Variants in MYO1E observed in about 807,000 individuals in gnomAD.
The protein encoded by MYO1E is unconventional myosin-Ie.
MYO1E carries 68 observed loss-of-function variants against 151.1 expected under a neutral mutation model. The ratio of observed to expected loss-of-function variants is 0.45; its 90% CI spans 0.37 to 0.55. The LOEUF (loss-of-function observed/expected upper bound fraction) is 0.55, where lower values mean the gene tolerates loss of function less well. MYO1E is among the 20% of genes least tolerant of loss of function. The pLI, the probability that MYO1E is intolerant of heterozygous loss-of-function variation, is 0.00. For missense variants in MYO1E, 1,363 were observed against 1,389.3 expected (o/e 0.98, Z 0.30); for synonymous variants, 601 against 501.7 (o/e 1.20, Z -2.64).
At chr15:59,162,988 G>C (rs1394350194) in intron 23 of MYO1E, among the ~76,000 whole-genome samples, 169 bp downstream of exon 23, 1 of 152,220 alleles carries the variant, frequency 6.6e-6, no homozygotes, top group African/African-American at 2.4e-5. Flanking sequence ...TTCAAAGTCT[G>C]TGACTACTAT....
intron 18 of MYO1E, among the ~76,000 whole-genome samples, chr15:59,184,405 G>T (rs1206849075): frequency 6.6e-6 from 1 of 152,030 alleles, no homozygotes. Context: ...TGCCTAGGTT[G>T]TATGTAGTAC....
In MYO1E at chr15:59,187,047, G is replaced by A. The variant is rs534162629; in HGVS notation, c.1904+1071C>T. On this transcript the variant is annotated intron_variant, in intron 18 of 27. Coordinates refer to ENST00000288235, the MANE Select transcript of MYO1E (RefSeq NM_004998.4). ...ATATTTTAAGCTTATTGTCTTAAGT[G>A]GGTTAAACATTTTCCTGAAATTGTC... Among the ~76,000 whole-genome samples, 5 of 152,202 alleles carry A rather than the reference G, an allele frequency of 3.3e-5. No homozygotes were observed. The East Asian group carries it at 5.8e-4, about 18-fold the overall frequency.
chr15:59,326,690 C>T (rs7163858), intron 1 of MYO1E, among the ~76,000 whole-genome samples: 128,588 of 152,196 alleles, frequency 0.84, 54,982 homozygotes, highest in African/African-American at 0.92. Flanking sequence ...TTTACCATTC[C>T]ATTTTTGTCT....
At chr15:59,164,014 T>C (rs1483738339) in intron 22 of MYO1E, among the ~76,000 whole-genome samples, 2 of 152,068 alleles carry the variant, frequency 1.3e-5, no homozygotes, top group African/African-American at 4.8e-5. Flanking sequence ...CAGGGTGGGA[T>C]TGTGGAGAAA....
intron 4 of MYO1E, among the ~76,000 whole-genome samples, chr15:59,255,444 G>C (rs1330727580): frequency 2.0e-5 from 3 of 151,968 alleles, no homozygotes; most frequent in African/African-American, 7.3e-5. Flanking sequence ...ACTCAGGCTG[G>C]AGTACAGTGG....
intron 10 of MYO1E, 51 bp downstream of exon 10, chr15:59,217,840 T>A (rs769088064): frequency 6.3e-6 from 10 of 1,598,428 alleles, no homozygotes; most frequent in Non-Finnish European, 2.6e-6. Context: ...CTAGTTTTAC[T>A]CTTTATAGCT....
chr15:59,269,624 G>C (rs1481698509), intron 2 of MYO1E, among the ~76,000 whole-genome samples: 7 of 152,204 alleles, frequency 4.6e-5, no homozygotes, highest in African/African-American at 1.4e-4. Flanking sequence ...TTGGGAGGCT[G>C]AGGTGGACAG....
At chr15:59,345,188 G>T (rs2080787096) in intron 1 of MYO1E, among the ~76,000 whole-genome samples, 1 of 151,344 alleles carries the variant, frequency 6.6e-6, no homozygotes, top group South Asian at 2.1e-4. Context: ...AAAGCAATCA[G>T]ATAATGGTAC....
chr15:59,364,911 G>A (rs1306710848), intron 1 of MYO1E, among the ~76,000 whole-genome samples: 2 of 151,840 alleles, frequency 1.3e-5, no homozygotes, highest in African/African-American at 4.8e-5. Context: ...TCCATCTCAA[G>A]AAAAACAAAC....
At chr15:59,200,836 C>T (rs558137380) in intron 16 of MYO1E, among the ~76,000 whole-genome samples, 1 of 151,990 alleles carries the variant, frequency 6.6e-6, no homozygotes, top group Admixed American at 6.5e-5. Context: ...TTAAGATAGA[C>T]TCCATTTTAC....
Position 59,358,157 on chromosome 15 carries a change from T to C in MYO1E, c.3+14341A>G, listed in dbSNP as rs147788490. On this transcript the variant is annotated intron_variant, in intron 1 of 27. Transcript: ENST00000288235. ...ACAATGCTTGCCACATTGTCCTCCATGCTTGCTTGGAGAGTTGCTAAGCAG... is the reference window on the plus strand; with the variant it reads ...ACAATGCTTGCCACATTGTCCTCCACGCTTGCTTGGAGAGTTGCTAAGCAG... Among the ~76,000 whole-genome samples the C allele has an allele frequency of 1.0e-3, 157 of 152,260 alleles. 2 individuals are homozygous for C. The East Asian group carries it at 0.025, about 25-fold the overall frequency.
chr15:59,183,864 T>C (rs568247826), intron 18 of MYO1E, among the ~76,000 whole-genome samples: 2 of 152,286 alleles, frequency 1.3e-5, no homozygotes, highest in African/African-American at 4.8e-5. Context: ...GTAACCATCA[T>C]TTTATTCTCT....
intron 26 of MYO1E, among the ~76,000 whole-genome samples, chr15:59,151,516 C>T (rs575353240): frequency 6.6e-6 from 1 of 152,152 alleles, no homozygotes; most frequent in Non-Finnish European, 1.5e-5. Flanking sequence ...CTTGCCAGGG[C>T]AAAAGGAATG....
At position 59,133,946 on chromosome 15, in the gene MYO1E, C is replaced by T. The variant is rs1303763319; in HGVS notation, c.*3434G>A. 6.6e-6 allele frequency: 1 copy of T among 152,214 alleles called. No individual in the cohort carries two copies. The highest frequency in any genetic ancestry group is 2.4e-5 in the African/African-American group (1 of 41,440). 9.4% of individuals were successfully genotyped at this position (152,214 alleles called of 1,614,324 possible). A position where few individuals can be genotyped will look rare whatever the true frequency, so the allele number is the denominator to read the frequency against. On this transcript the variant is annotated 3_prime_UTR_variant, in exon 28 of 28. Coordinates refer to ENST00000288235, the MANE Select transcript of MYO1E (RefSeq NM_004998.4). ...GTAAAAGCCATGCTCTATGGAAGCC[C>T]ATGGAGTTTGTAATTCATAAAGGCA...
At chr15:59,288,851 A>C (rs955834080) in intron 1 of MYO1E, among the ~76,000 whole-genome samples, 2 of 152,244 alleles carry the variant, frequency 1.3e-5, no homozygotes, top group Admixed American at 1.3e-4. Context: ...GAGAAGATAC[A>C]TAGGGAGTTC....
chr15:59,224,577 G>A (rs2079976948), intron 8 of MYO1E, 112 bp downstream of exon 8: 6 of 1,424,706 alleles, frequency 4.2e-6, no homozygotes, highest in Non-Finnish European at 5.9e-6. Flanking sequence ...CACAGAGAAA[G>A]AGGCGGACAT....
chr15:59,341,874 A>G, intron 1 of MYO1E, among the ~76,000 whole-genome samples: 1 of 152,202 alleles, frequency 6.6e-6, no homozygotes, highest in East Asian at 1.9e-4. Flanking sequence ...TCTTTAAGGT[A>G]TACACCTACC....
Position 59,256,352 on chromosome 15 carries a change from G to C in MYO1E, c.264C>G (p.Ile88Met), listed in dbSNP as rs764018248. 6.2e-7 allele frequency: 1 copy of C among 1,612,216 alleles called. No homozygotes were observed. The highest frequency in any genetic ancestry group is 1.1e-5 in the South Asian group (1 of 90,996). ...TGTACATATTATCTGCAAGGGCATA[G>C]ATATGTGGTGGGTTTTCATACTGTG... ...GAAQYENPPH[I>M]YALADNMYRN... Residue 88 changes from isoleucine (I) to methionine (M), a missense_variant, in exon 4 of 28, where the codon ATC (isoleucine) becomes ATG (methionine). Coordinates refer to ENST00000288235, the MANE Select transcript of MYO1E (RefSeq NM_004998.4).
intron 10 of MYO1E, among the ~76,000 whole-genome samples, chr15:59,215,897 C>T (rs1165874596): frequency 2.0e-5 from 3 of 152,146 alleles, no homozygotes; most frequent in African/African-American, 4.8e-5. Context: ...TGCTGACCAG[C>T]CTTGGGCAAA....
Sources: allele counts gnomAD v4.1 joint callset (sites outside exome capture counted in the v4.1 genomes callset), GRCh38; gene constraint gnomAD v4.1.1; transcripts MANE v1.5; gene names NCBI Gene and HGNC (gene_info 2026-07-23, HGNC 2026-07-21).